Variants in TMEM232 observed in about 807,000 individuals in gnomAD.
The protein encoded by TMEM232 is transmembrane protein 232.
A neutral mutation model predicts 78.8 loss-of-function variants in TMEM232; 80 were observed. That is an observed-to-expected ratio of 1.01 (90% CI 0.85 to 1.22). The LOEUF (loss-of-function observed/expected upper bound fraction) is 1.22, where lower values mean the gene tolerates loss of function less well. TMEM232 is among the 50% of genes most tolerant of loss of function. The pLI is 0.00. For missense variants in TMEM232, 881 were observed against 742.2 expected (o/e 1.19, Z -2.17); for synonymous variants, 297 against 254.3 (o/e 1.17, Z -1.60).
rs575411003 is a variant in TMEM232 at position 110,653,876 on chromosome 5, G to C, written c.126-11505C>G. ...AAGTCAAGCATGAGGAAATGGATAAGATCCAGAAATAAAGATTTCAGATTC... is the reference window on the plus strand; with the variant it reads ...AAGTCAAGCATGAGGAAATGGATAACATCCAGAAATAAAGATTTCAGATTC... On this transcript the variant is annotated intron_variant, in intron 2 of 13. Transcript: ENST00000455884. Among the ~76,000 whole-genome samples, 52 of 152,224 alleles carry C rather than the reference G, an allele frequency of 3.4e-4. 1 individual carries two copies. In the East Asian group the frequency reaches 9.3e-3, roughly 27 times the overall value.
At chr5:110,704,059 G>A (rs538011022) in intron 1 of TMEM232, among the ~76,000 whole-genome samples, 29 of 152,090 alleles carry the variant, frequency 1.9e-4, no homozygotes, top group Non-Finnish European at 2.9e-4. Flanking sequence ...AAGGGGATAC[G>A]CTCCATTTCT....
At chr5:110,401,831 A>T (rs977565340) in intron 2 of TMEM232, among the ~76,000 whole-genome samples, 4 of 152,104 alleles carry the variant, frequency 2.6e-5, no homozygotes, top group African/African-American at 9.7e-5. Context: ...ACATCAGAAG[A>T]TATAGGCAAT....
At chr5:110,725,708 GC>G (rs1798082829) in intron 1 of TMEM232, 1 of 152,144 alleles carries the variant, frequency 6.6e-6, no homozygotes, top group Non-Finnish European at 1.5e-5. Flanking sequence ...CAGTTCATCT[GC>G]AACCTGGCAC....
intron 12 of TMEM232, among the ~76,000 whole-genome samples, chr5:110,474,995 T>C (rs1763091777): frequency 6.6e-6 from 1 of 151,986 alleles, no homozygotes; most frequent in South Asian, 2.1e-4. Flanking sequence ...AGATTCAACA[T>C]TTAAATATTA....
At chr5:110,600,978 C>A (rs1339529971) in intron 10 of TMEM232, among the ~76,000 whole-genome samples, 1 of 152,214 alleles carries the variant, frequency 6.6e-6, no homozygotes, top group Non-Finnish European at 1.5e-5. Flanking sequence ...TCAGCTTCAT[C>A]CCTGAGATGC....
chr5:110,596,233 C>T (rs911076445), intron 10 of TMEM232, among the ~76,000 whole-genome samples: 4 of 152,188 alleles, frequency 2.6e-5, no homozygotes, highest in African/African-American at 4.8e-5. Context: ...ATACTACAAA[C>T]ACCTCTATGC....
chr5:110,639,982 G>T (rs542176627), intron 4 of TMEM232, among the ~76,000 whole-genome samples: 5 of 152,174 alleles, frequency 3.3e-5, no homozygotes, highest in Non-Finnish European at 7.4e-5. Flanking sequence ...TTCATGGTCC[G>T]GGGTTTTGAG....
At chr5:110,661,972 T>C (rs1047903907) in intron 2 of TMEM232, among the ~76,000 whole-genome samples, 2 of 152,208 alleles carry the variant, frequency 1.3e-5, no homozygotes, top group African/African-American at 4.8e-5. Flanking sequence ...TTAGATCTTT[T>C]GCCCATATTT....
intron 12 of TMEM232, among the ~76,000 whole-genome samples, chr5:110,430,565 A>T (rs1376927343): frequency 6.6e-6 from 1 of 151,752 alleles, no homozygotes; most frequent in Non-Finnish European, 1.5e-5. Context: ...AACAATACAG[A>T]CAAATAAATG....
At chr5:110,483,673 A>G (rs1315984224) in intron 12 of TMEM232, among the ~76,000 whole-genome samples, 2 of 152,064 alleles carry the variant, frequency 1.3e-5, no homozygotes, top group Non-Finnish European at 1.5e-5. Context: ...TGGGTGCAGC[A>G]CACCAACATG....
At chr5:110,684,116 A>G (rs1239502858) in intron 1 of TMEM232, among the ~76,000 whole-genome samples, 1 of 152,026 alleles carries the variant, frequency 6.6e-6, no homozygotes, top group Non-Finnish European at 1.5e-5. Flanking sequence ...ATAATTAATG[A>G]TAAATCATTG....
chr5:110,468,369 C>A (rs1762320949), intron 12 of TMEM232, among the ~76,000 whole-genome samples: 1 of 151,776 alleles, frequency 6.6e-6, no homozygotes. Flanking sequence ...AAAAACATTA[C>A]ATGAAAATTT....
chr5:110,477,679 C>A (rs1169194852), intron 12 of TMEM232, among the ~76,000 whole-genome samples: 1 of 151,792 alleles, frequency 6.6e-6, no homozygotes, highest in Non-Finnish European at 1.5e-5. Context: ...ACATCTGTAT[C>A]TTCTTTTATA....
At chr5:110,533,632 T>C (rs1248138977) in intron 11 of TMEM232, among the ~76,000 whole-genome samples, 2 of 152,186 alleles carry the variant, frequency 1.3e-5, no homozygotes, top group East Asian at 3.9e-4. Flanking sequence ...TCAGCTGTAC[T>C]CACTCTTTGT....
rs1580840148 is a variant in TMEM232 at position 110,736,988 on chromosome 5, G to A, written c.-126+1005C>T. On this transcript the variant is annotated intron_variant, in intron 1 of 4. Transcript: ENST00000512886. ...TGCTCAAAGGTCACTTCTTCAGAGAGGACTTCCTTATTCTAAAAAAAAAAA... is the reference window on the plus strand; with the variant it reads ...TGCTCAAAGGTCACTTCTTCAGAGAAGACTTCCTTATTCTAAAAAAAAAAA... Among the ~76,000 whole-genome samples, 3 of 126,088 alleles carry A rather than the reference G, an allele frequency of 2.4e-5. No homozygotes were observed. In the South Asian group the frequency reaches 8.8e-4, roughly 37 times the overall value. The allele number at this position is 126,088 out of a possible 152,430, so 82.7% of individuals were successfully genotyped here. A position where few individuals can be genotyped will look rare whatever the true frequency, so the allele number is the denominator to read the frequency against.
In TMEM232 at chr5:110,429,422, T is replaced by C. The variant is rs529134457; in HGVS notation, c.1704-4506A>G. Reference sequence around the variant, plus strand: ...TAATATATTTCTTTATGCAGAATTATGGTTTTTCAAGTCTCCAAAGCTCTC... The same window carrying C: ...TAATATATTTCTTTATGCAGAATTACGGTTTTTCAAGTCTCCAAAGCTCTC... On this transcript the variant is annotated intron_variant, in intron 12 of 13. Coordinates refer to ENST00000455884, the MANE Select transcript of TMEM232 (RefSeq NM_001039763.4). 3.3e-5 allele frequency among the ~76,000 whole-genome samples: 5 copies of C among 151,906 alleles called. No individual in the cohort carries two copies. In the South Asian group the frequency reaches 6.2e-4, roughly 19 times the overall value.
At chr5:110,578,202 T>C (rs2149716215) in intron 10 of TMEM232, among the ~76,000 whole-genome samples, 1 of 152,104 alleles carries the variant, frequency 6.6e-6, no homozygotes, top group East Asian at 1.9e-4. Context: ...GACTTCTGAC[T>C]TTTGGATTTA....
chr5:110,434,887 A>G (rs1758253617), intron 12 of TMEM232, among the ~76,000 whole-genome samples: 1 of 152,048 alleles, frequency 6.6e-6, no homozygotes, highest in African/African-American at 2.4e-5. Context: ...CAGCAAATGC[A>G]TTTGATAAAA....
chr5:110,587,100 C>G (rs2149751950), intron 10 of TMEM232, among the ~76,000 whole-genome samples: 1 of 152,104 alleles, frequency 6.6e-6, no homozygotes, highest in African/African-American at 2.4e-5. Context: ...GACAATTCAT[C>G]CATTTTAAAT....
Sources: allele counts gnomAD v4.1 joint callset (sites outside exome capture counted in the v4.1 genomes callset), GRCh38; gene constraint gnomAD v4.1.1; transcripts MANE v1.5; gene names NCBI Gene and HGNC (gene_info 2026-07-23, HGNC 2026-07-21).